FOXK2: variants seen among roughly 807,000 people sequenced by gnomAD.
FOXK2 encodes forkhead box protein K2.
FOXK2 carries 24 observed loss-of-function variants against 53.3 expected under a neutral mutation model. That is an observed-to-expected ratio of 0.45 (90% CI 0.33 to 0.63). FOXK2 has a LOEUF of 0.63. Ranked by LOEUF, FOXK2 falls within the 30% of genes least tolerant of loss-of-function variation. The probability of loss-of-function intolerance (pLI) is 0.03; values close to 1 mark genes in which losing one functional copy is unlikely to be tolerated. For synonymous variants in FOXK2, 505 were observed against 407.1 expected (o/e 1.24, Z -2.89); for missense variants, 952 against 910.5 (o/e 1.05, Z -0.59).
rs1170807799 is a variant in FOXK2, at chr17:82,604,207, T to C, written c.*2708T>C. The C allele has an allele frequency of 3.3e-5, 5 of 152,250 alleles. No homozygotes were observed. The allele number at this position is 152,250 out of a possible 1,614,324, so 9.4% of individuals were successfully genotyped here. A position where few individuals can be genotyped will look rare whatever the true frequency, so the allele number is the denominator to read the frequency against. On this transcript the variant is annotated 3_prime_UTR_variant, in exon 9 of 9. Transcript: ENST00000335255. The stretch of plus-strand genomic sequence containing the variant: ...GGGACTAGGAACAATTTCAGTAGCT[T>C]TGCCCTGAACCAAACGAGAAAACAA...
intron 8 of FOXK2, among the ~76,000 whole-genome samples, chr17:82,589,903 G>A (rs1312889337): frequency 2.0e-5 from 3 of 152,140 alleles, no homozygotes; most frequent in African/African-American, 4.8e-5. Context: ...AAGATTAGCC[G>A]GGTGTGGTGG....
chr17:82,583,103 TC>T (rs1275447445), intron 5 of FOXK2, among the ~76,000 whole-genome samples, 169 bp downstream of exon 5: 1 of 152,222 alleles, frequency 6.6e-6, no homozygotes. Flanking sequence ...TGTTTCTGGT[TC>T]TAGTGGCTGA....
intron 3 of FOXK2, among the ~76,000 whole-genome samples, chr17:82,569,857 A>C (rs2044893704): frequency 6.6e-6 from 1 of 151,996 alleles, no homozygotes; most frequent in South Asian, 2.1e-4. Flanking sequence ...GCAACATAGC[A>C]AGACCCTGTC....
chr17:82,536,422 G>GT, intron 1 of FOXK2, among the ~76,000 whole-genome samples: 1 of 152,250 alleles, frequency 6.6e-6, no homozygotes, highest in East Asian at 1.9e-4. Context: ...GTTTGGTGGG[G>GT]TTTTTTGCTT....
chr17:82,536,334 T>TTTG lies in FOXK2; in HGVS notation c.419+16037_419+16039dup, dbSNP rs1026479555. 2.0e-5 allele frequency among the ~76,000 whole-genome samples: 3 copies of TTTG among 152,196 alleles called. No homozygotes were observed. In the East Asian group the frequency reaches 5.8e-4, roughly 29 times the overall value. On this transcript the variant is annotated intron_variant, in intron 1 of 8. Coordinates refer to ENST00000335255, the MANE Select transcript of FOXK2 (RefSeq NM_004514.4). Reference sequence around the variant, plus strand: ...CTGTTTCTTTGTGTGCCTTGTGATTTTTGTTGTTGTTGCAAACTGGACCTG... The same window carrying TTTG: ...CTGTTTCTTTGTGTGCCTTGTGATTTTTGTTGTTGTTGTTGCAAACTGGACCTG...
At chr17:82,522,622 C>T (rs970131576) in intron 1 of FOXK2, among the ~76,000 whole-genome samples, 16 of 151,652 alleles carry the variant, frequency 1.1e-4, no homozygotes, top group African/African-American at 3.9e-4. Flanking sequence ...CTGCCCGCCT[C>T]GGCCTCCCAA....
At chr17:82,528,782 C>G (rs1360218754) in intron 1 of FOXK2, among the ~76,000 whole-genome samples, 1 of 152,218 alleles carries the variant, frequency 6.6e-6, no homozygotes, top group Non-Finnish European at 1.5e-5. Context: ...AGAGAAGGTG[C>G]TCTGCTGAGA....
intron 5 of FOXK2, among the ~76,000 whole-genome samples, chr17:82,583,704 G>T (rs1259899187): frequency 6.6e-6 from 1 of 152,172 alleles, no homozygotes; most frequent in Non-Finnish European, 1.5e-5. Flanking sequence ...CCACGGACCT[G>T]CTCGCTGCCG....
At chr17:82,554,514 G>C (rs2144098498) in intron 1 of FOXK2, among the ~76,000 whole-genome samples, 1 of 152,278 alleles carries the variant, frequency 6.6e-6, no homozygotes, top group East Asian at 1.9e-4. Flanking sequence ...TAAGTTGTTG[G>C]TTTGTTCAAG....
chr17:82,592,781 C>T (rs1441855858), intron 8 of FOXK2, among the ~76,000 whole-genome samples: 1 of 152,210 alleles, frequency 6.6e-6, no homozygotes, highest in Admixed American at 6.5e-5. Flanking sequence ...GCGCACGCTT[C>T]GCAGTGAGAG....
At chr17:82,601,233 G>T in intron 8 of FOXK2, 70 bp from the exon 9 acceptor site, 1 of 1,506,550 alleles carries the variant, frequency 6.6e-7, no homozygotes, top group South Asian at 1.2e-5. Context: ...GTTCACGTGA[G>T]AGCGTGGGGT....
At chr17:82,568,633 G>A (rs1424176720) in intron 3 of FOXK2, among the ~76,000 whole-genome samples, 2 of 152,236 alleles carry the variant, frequency 1.3e-5, no homozygotes, top group African/African-American at 4.8e-5. Flanking sequence ...GTCACACTAT[G>A]ACCTGGCACG....
At chr17:82,583,410 G>C (rs932504593) in intron 5 of FOXK2, among the ~76,000 whole-genome samples, 2 of 152,140 alleles carry the variant, frequency 1.3e-5, no homozygotes, top group East Asian at 3.8e-4. Flanking sequence ...AGCCGGGCGC[G>C]GTGGCGCGCG....
intron 5 of FOXK2, 82 bp from the exon 6 acceptor site, chr17:82,583,931 G>T (rs2045099137): frequency 7.0e-7 from 1 of 1,429,486 alleles, no homozygotes; most frequent in Admixed American, 2.2e-5. Context: ...CACCCCCTTT[G>T]CAAAGTGCAC....
At chr17:82,525,100 C>T (rs917002111) in intron 1 of FOXK2, among the ~76,000 whole-genome samples, 7 of 151,664 alleles carry the variant, frequency 4.6e-5, no homozygotes, top group South Asian at 2.1e-4. Context: ...CTCAGCCTCC[C>T]GAGTAGCTGG....
chr17:82,586,800 C>T (rs2045179947), intron 7 of FOXK2, among the ~76,000 whole-genome samples: 1 of 152,188 alleles, frequency 6.6e-6, no homozygotes, highest in East Asian at 1.9e-4. Flanking sequence ...ACTCGGGAGG[C>T]TGAGGCGGGA....
chr17:82,593,435 CGCCCCCCTGGCG>C (rs2045276806), intron 8 of FOXK2: 1 of 152,516 alleles, frequency 6.6e-6, no homozygotes, highest in Non-Finnish European at 1.5e-5. Context: ...TGAAGCCCCG[CGCCCCCCTGGCG>C]GAGCCCAGCC....
intron 8 of FOXK2, among the ~76,000 whole-genome samples, chr17:82,589,260 C>T (rs2045229776): frequency 6.6e-6 from 1 of 152,192 alleles, no homozygotes; most frequent in Non-Finnish European, 1.5e-5. Context: ...TGTGGACACA[C>T]AGGCAGGAGC....
intron 1 of FOXK2, among the ~76,000 whole-genome samples, chr17:82,559,920 A>C (rs887944232): frequency 1.3e-5 from 2 of 151,548 alleles, no homozygotes; most frequent in African/African-American, 2.4e-5. Context: ...AGTGATAAAC[A>C]GGTGTTTGCA....
Sources: gnomAD v4.1 joint callset for allele counts (sites outside exome capture counted in the v4.1 genomes callset) on GRCh38, gnomAD v4.1.1 for gene constraint, MANE v1.5 for transcripts, NCBI Gene and HGNC (gene_info 2026-07-23, HGNC 2026-07-21) for gene names.